The following MGAT4C variants were observed in gnomAD, a reference collection of about 807,000 sequenced individuals.
The protein encoded by MGAT4C is MGAT4 family member C, also known as alpha-1,3-mannosyl-glycoprotein 4-beta-N-acetylglucosaminyltransferase C.
A neutral mutation model predicts 40.1 loss-of-function variants in MGAT4C; 19 were observed. The ratio of observed to expected loss-of-function variants is 0.47; its 90% CI spans 0.33 to 0.70. MGAT4C has a LOEUF of 0.70. Ranked by LOEUF, MGAT4C falls within the 30% of genes least tolerant of loss-of-function variation. MGAT4C has a pLI of 0.02. For missense variants in MGAT4C, 491 were observed against 563.2 expected, an observed-to-expected ratio of 0.87 and a Z score of 1.30; for synonymous variants, 181 against 187.1, an observed-to-expected ratio of 0.97 and a Z score of 0.27.
chr12:86,152,392 T>A (rs904498571), intron 1 of MGAT4C, among the ~76,000 whole-genome samples: 5 of 152,178 alleles, frequency 3.3e-5, no homozygotes, highest in Non-Finnish European at 7.4e-5. Context: ...GTGTCTCACA[T>A]AGCAGAACAG....
At chr12:86,056,927 T>C (rs1430619888) in intron 1 of MGAT4C, among the ~76,000 whole-genome samples, 1 of 138,240 alleles carries the variant, frequency 7.2e-6, no homozygotes, top group Non-Finnish European at 1.6e-5. Flanking sequence ...GAATGATCTA[T>C]TTAAAGTGAT....
intron 2 of MGAT4C, among the ~76,000 whole-genome samples, chr12:86,499,353 C>A (rs1408806013): frequency 6.6e-6 from 1 of 151,594 alleles, no homozygotes; most frequent in Non-Finnish European, 1.5e-5. Flanking sequence ...TACACACATG[C>A]TTGCACACAC....
intron 1 of MGAT4C, among the ~76,000 whole-genome samples, chr12:86,813,493 A>C (rs1165403186): frequency 6.6e-6 from 1 of 151,778 alleles, no homozygotes; most frequent in African/African-American, 2.4e-5. Context: ...TTTCAAACAC[A>C]TTTTTTTCAT....
intron 2 of MGAT4C, among the ~76,000 whole-genome samples, chr12:86,480,347 C>A (rs1292895440): frequency 6.6e-6 from 1 of 151,474 alleles, no homozygotes; most frequent in Non-Finnish European, 1.5e-5. Flanking sequence ...CCTGACAACT[C>A]AAAGGGTATT....
chr12:86,804,290 T>G (rs1277132309), intron 1 of MGAT4C, among the ~76,000 whole-genome samples: 2 of 127,972 alleles, frequency 1.6e-5, no homozygotes, highest in African/African-American at 5.7e-5. Flanking sequence ...GGGGGAGGGA[T>G]AGCATTGGGA....
intron 2 of MGAT4C, among the ~76,000 whole-genome samples, chr12:86,719,221 C>T (rs1171125677): frequency 1.3e-5 from 2 of 152,176 alleles, no homozygotes; most frequent in African/African-American, 4.8e-5. Flanking sequence ...CACTCCCTCT[C>T]AAGACTTTCA....
At chr12:86,174,054 G>A (rs1887132064) in intron 1 of MGAT4C, among the ~76,000 whole-genome samples, 1 of 151,150 alleles carries the variant, frequency 6.6e-6, no homozygotes, top group African/African-American at 2.4e-5. Flanking sequence ...TGCCCCAAAT[G>A]CCATGATCTG....
intron 2 of MGAT4C, among the ~76,000 whole-genome samples, chr12:86,515,518 T>C (rs1958668132): frequency 6.6e-6 from 1 of 152,080 alleles, no homozygotes; most frequent in Non-Finnish European, 1.5e-5. Flanking sequence ...ATTTTTAAAA[T>C]TTCTATTTTA....
At chr12:86,696,565 C>T (rs1227349764) in intron 2 of MGAT4C, among the ~76,000 whole-genome samples, 3 of 152,138 alleles carry the variant, frequency 2.0e-5, no homozygotes, top group Admixed American at 6.5e-5. Context: ...ATTCATTGAA[C>T]GAATTCTGCA....
chr12:86,312,926 T>C (rs982176003), intron 4 of MGAT4C, among the ~76,000 whole-genome samples: 1 of 152,110 alleles, frequency 6.6e-6, no homozygotes, highest in African/African-American at 2.4e-5. Flanking sequence ...AAGCATAATA[T>C]TCAAGGTCTT....
intron 1 of MGAT4C, among the ~76,000 whole-genome samples, chr12:86,786,161 C>G (rs906550869): frequency 3.9e-5 from 6 of 152,000 alleles, no homozygotes; most frequent in African/African-American, 1.2e-4. Context: ...AAAAAAGCAG[C>G]AGGTGAAGTC....
At chr12:86,237,517 A>T (rs934021940) in intron 1 of MGAT4C, among the ~76,000 whole-genome samples, 2 of 151,948 alleles carry the variant, frequency 1.3e-5, no homozygotes, top group South Asian at 2.1e-4. Context: ...AAAACTTTTT[A>T]AAATTGTCTA....
chr12:86,783,780 C>T (rs2136186126), intron 1 of MGAT4C, among the ~76,000 whole-genome samples: 1 of 152,150 alleles, frequency 6.6e-6, no homozygotes. Flanking sequence ...CACTTACAAT[C>T]TCAAACAATA....
intron 2 of MGAT4C, among the ~76,000 whole-genome samples, chr12:86,017,452 G>A (rs181570333): frequency 5.4e-4 from 82 of 152,062 alleles, no homozygotes; most frequent in African/African-American, 1.9e-3. Context: ...CTCTTTATTC[G>A]TTTATAACTT....
intron 1 of MGAT4C, among the ~76,000 whole-genome samples, chr12:86,095,626 G>A (rs557937934): frequency 6.7e-6 from 1 of 149,708 alleles, no homozygotes; most frequent in Non-Finnish European, 1.5e-5. Context: ...TGAGTAGAGA[G>A]GACTATTTTC....
intron 3 of MGAT4C, among the ~76,000 whole-genome samples, chr12:86,387,662 GA>G (rs1956079318): frequency 6.6e-6 from 1 of 151,982 alleles, no homozygotes; most frequent in African/African-American, 2.4e-5. Flanking sequence ...AATAAAATGG[GA>G]AAATATTAAG....
chr12:86,528,076 A>G (rs1056500630), intron 2 of MGAT4C, among the ~76,000 whole-genome samples: 2 of 152,182 alleles, frequency 1.3e-5, no homozygotes, highest in African/African-American at 4.8e-5. Flanking sequence ...ATTAAAGCTG[A>G]TTAAAGATAA....
intron 3 of MGAT4C, among the ~76,000 whole-genome samples, chr12:86,349,141 A>G (rs542219813): frequency 8.5e-5 from 13 of 152,232 alleles, no homozygotes; most frequent in Non-Finnish European, 1.8e-4. Context: ...ATGTCCTTGA[A>G]ATCTTATTGT....
chr12:86,626,740 A>T (rs914551267), intron 2 of MGAT4C, among the ~76,000 whole-genome samples: 1 of 152,192 alleles, frequency 6.6e-6, no homozygotes, highest in African/African-American at 2.4e-5. Context: ...AAACATTGGA[A>T]ATTGTTCTGT....
Sources: gnomAD v4.1 joint callset for allele counts (sites outside exome capture counted in the v4.1 genomes callset) on GRCh38, gnomAD v4.1.1 for gene constraint, MANE v1.5 for transcripts, NCBI Gene and HGNC (gene_info 2026-07-23, HGNC 2026-07-21) for gene names.